Variants in C12orf42 observed in about 807,000 individuals in gnomAD.
C12orf42 encodes uncharacterized protein C12orf42.
C12orf42 carries 25 observed loss-of-function variants against 21.6 expected under a neutral mutation model. The ratio of observed to expected loss-of-function variants is 1.16; its 90% CI spans 0.84 to 1.62. C12orf42 has a LOEUF of 1.62. Ranked by LOEUF, C12orf42 falls within the 40% of genes most tolerant of loss-of-function variation. The probability of loss-of-function intolerance (pLI) is 0.00; values close to 1 mark genes in which losing one functional copy is unlikely to be tolerated. For missense variants in C12orf42, 483 were observed against 459.3 expected (o/e 1.05, Z -0.47); for synonymous variants, 174 against 175.0 (o/e 0.99, Z 0.05).
At chr12:103,363,447 G>A (rs2044295156) in intron 4 of C12orf42, among the ~76,000 whole-genome samples, 1 of 151,820 alleles carries the variant, frequency 6.6e-6, no homozygotes, top group South Asian at 2.1e-4. Context: ...AAAAGACCAA[G>A]GTATACAGGC....
chr12:103,089,583 T>C, the C12orf42 span, among the ~76,000 whole-genome samples: 1 of 151,694 alleles, frequency 6.6e-6, no homozygotes, highest in African/African-American at 2.4e-5. Flanking sequence ...GAGGTGGGTG[T>C]ACTTTGTAGA....
chr12:103,130,344 T>C, the C12orf42 span, among the ~76,000 whole-genome samples: 2 of 150,290 alleles, frequency 1.3e-5, no homozygotes, highest in Non-Finnish European at 3.0e-5. Flanking sequence ...ATTCTAAAAA[T>C]TCCATACTAG....
the C12orf42 span, chr12:103,548,684 A>G: frequency 6.6e-6 from 1 of 152,234 alleles, no homozygotes; most frequent in South Asian, 2.1e-4. Context: ...GGCATATTTT[A>G]TAATGAACAT....
At chr12:103,460,187 AC>A (rs1403614813) in intron 2 of C12orf42, among the ~76,000 whole-genome samples, 1 of 152,058 alleles carries the variant, frequency 6.6e-6, no homozygotes. Context: ...ATAGCAGGCA[AC>A]CTTTACACAA....
intron 10 of C12orf42, among the ~76,000 whole-genome samples, chr12:103,239,087 T>C (rs2033601112): frequency 6.6e-6 from 1 of 152,196 alleles, no homozygotes; most frequent in Non-Finnish European, 1.5e-5. Flanking sequence ...TTAGTGCATA[T>C]GGGGAGTTTT....
the C12orf42 span, among the ~76,000 whole-genome samples, chr12:103,515,769 C>T: frequency 1.3e-5 from 2 of 152,104 alleles, no homozygotes; most frequent in Admixed American, 1.3e-4. Flanking sequence ...AACAAGAAAG[C>T]AAGCTATCAT....
chr12:103,256,103 TATATATATAC>T (rs1481019465), intron 10 of C12orf42, among the ~76,000 whole-genome samples: 7 of 57,186 alleles, frequency 1.2e-4, no homozygotes, highest in African/African-American at 2.2e-4. Context: ...TATATATATA[TATATATATAC>T]ACACACACAC....
At chr12:103,403,792 A>G (rs1449986654) in intron 2 of C12orf42, among the ~76,000 whole-genome samples, 1 of 152,186 alleles carries the variant, frequency 6.6e-6, no homozygotes, top group Non-Finnish European at 1.5e-5. Context: ...ACATTCACAC[A>G]TCCGGTGTCT....
At chr12:103,318,266 AG>A (rs2136790603) in intron 4 of C12orf42, among the ~76,000 whole-genome samples, 1 of 152,294 alleles carries the variant, frequency 6.6e-6, no homozygotes, top group African/African-American at 2.4e-5. Flanking sequence ...CCTGGGCAAC[AG>A]AGCAAGACTC....
At chr12:103,374,127 C>T (rs1417125769) in intron 3 of C12orf42, among the ~76,000 whole-genome samples, 2 of 152,196 alleles carry the variant, frequency 1.3e-5, no homozygotes, top group Non-Finnish European at 2.9e-5. Flanking sequence ...TTACACTAAG[C>T]TGAATTCTAA....
the C12orf42 span, among the ~76,000 whole-genome samples, chr12:103,196,069 G>A: frequency 6.6e-6 from 1 of 152,034 alleles, no homozygotes; most frequent in African/African-American, 2.4e-5. Flanking sequence ...TGGGCATTTA[G>A]TGCTATAAAC....
chr12:103,346,835 G>C (rs965379699), intron 4 of C12orf42, among the ~76,000 whole-genome samples: 1 of 152,190 alleles, frequency 6.6e-6, no homozygotes, highest in African/African-American at 2.4e-5. Context: ...GCAAAGACTA[G>C]TGCATGAGGT....
chr12:103,562,890 A>G, the C12orf42 span, among the ~76,000 whole-genome samples: 2 of 152,278 alleles, frequency 1.3e-5, no homozygotes, highest in African/African-American at 2.4e-5. Flanking sequence ...TGGCCCCTAC[A>G]TTGAAAGACT....
chr12:103,358,502 A>G lies in C12orf42; in HGVS notation c.259+10385T>C, dbSNP rs138423130. The stretch of plus-strand genomic sequence containing the variant: ...CTTTGTGACTGAGTCCACAGAAGAC[A>G]TAAGTCTTATTCTACTCTATATGTT... On this transcript the variant is annotated intron_variant, in intron 4 of 5. Transcript: ENST00000548883. Among the ~76,000 whole-genome samples, 127 of 152,170 alleles carry G rather than the reference A, an allele frequency of 8.3e-4. 1 individual carries two copies. Among genetic ancestry groups the G allele is most frequent in the African/African-American group, 2.5e-3 (105 of 41,538 alleles).
chr12:103,241,380 G>A (rs1437535812), intron 10 of C12orf42, among the ~76,000 whole-genome samples: 1 of 152,082 alleles, frequency 6.6e-6, no homozygotes, highest in Admixed American at 6.6e-5. Context: ...ATATTGAAAG[G>A]TAAATACAAC....
chr12:103,312,341 C>CA (rs1336554586), intron 4 of C12orf42, among the ~76,000 whole-genome samples: 1 of 152,220 alleles, frequency 6.6e-6, no homozygotes, highest in African/African-American at 2.4e-5. Context: ...TGCAAGTGGT[C>CA]ATGGTGCTAA....
the C12orf42 span, among the ~76,000 whole-genome samples, chr12:103,079,059 C>T: frequency 6.6e-6 from 1 of 152,184 alleles, no homozygotes; most frequent in African/African-American, 2.4e-5. Flanking sequence ...GTATTATTTA[C>T]TCTTTATAAA....
the C12orf42 span, among the ~76,000 whole-genome samples, chr12:103,507,929 C>T: frequency 6.6e-6 from 1 of 152,112 alleles, no homozygotes; most frequent in Non-Finnish European, 1.5e-5. Flanking sequence ...GCAAGCTGTG[C>T]CTCAACCCCG....
chr12:103,507,274 T>TATATATAATATATAAATATATA, the C12orf42 span, among the ~76,000 whole-genome samples: 1 of 37,558 alleles, frequency 2.7e-5, no homozygotes, highest in African/African-American at 3.5e-4. Context: ...ATATATATAT[T>TATATATAATATATAAATATATA]ATATATATTT....
Sources: allele counts gnomAD v4.1 joint callset (sites outside exome capture counted in the v4.1 genomes callset), GRCh38; gene constraint gnomAD v4.1.1; transcripts MANE v1.5; gene names NCBI Gene and HGNC (gene_info 2026-07-23, HGNC 2026-07-21).